The following DST variants were observed in gnomAD, a reference collection of about 807,000 sequenced individuals.
DST encodes the protein dystonin.
In DST, 253 loss-of-function variants were observed where a neutral mutation model predicts 875.2. That is an observed-to-expected ratio of 0.29 (90% CI 0.26 to 0.32). The LOEUF (loss-of-function observed/expected upper bound fraction) is 0.32. DST is among the 10% of genes least tolerant of loss of function. The pLI is 1.00. For missense variants in DST, 8,287 were observed against 9,111.6 expected, an observed-to-expected ratio of 0.91 and a Z score of 3.68; for synonymous variants, 3,124 against 3,197.1, an observed-to-expected ratio of 0.98 and a Z score of 0.77.
At chr6:56,547,366 G>A (rs1035231061) in intron 61 of DST, among the ~76,000 whole-genome samples, 2 of 152,062 alleles carry the variant, frequency 1.3e-5, no homozygotes, top group African/African-American at 4.8e-5. Context: ...TTTGCTCTGG[G>A]TTTATTAAAT....
intron 2 of DST, among the ~76,000 whole-genome samples, chr6:56,919,583 C>A (rs996030010): frequency 3.3e-5 from 5 of 152,128 alleles, no homozygotes. Context: ...ACTTTAACAA[C>A]CATTAGTGCC....
At chr6:56,626,084 T>C (rs1346053401) in intron 34 of DST, among the ~76,000 whole-genome samples, 1 of 151,874 alleles carries the variant, frequency 6.6e-6, no homozygotes, top group African/African-American at 2.4e-5. Context: ...TGTTTTAAGC[T>C]AAGTGCTATG....
At position 56,608,058 on chromosome 6, in the gene DST, A is replaced by G; in HGVS notation, c.6570T>C (p.Thr2190=). 6.2e-7 allele frequency: 1 copy of G among 1,613,492 alleles called. No individual in the cohort carries two copies. Among genetic ancestry groups the G allele is most frequent in the Non-Finnish European group, 8.5e-7 (1 of 1,179,654 alleles). The part of the protein sequence containing the change: ...EDVFDGEEPV[T]TQTSEETKKL... ...TTTTAGTTTCTTCTGAGGTCTGAGT[A>G]GTGACAGGTTCTTCTCCATCAAAAA... The change falls in exon 40 of 104, where the codon ACT becomes ACC. Residue 2190 remains threonine (T), a synonymous_variant. Transcript: ENST00000680361.
At chr6:56,644,116 T>C (rs1035238375) in intron 15 of DST, among the ~76,000 whole-genome samples, 1 of 152,210 alleles carries the variant, frequency 6.6e-6, no homozygotes, top group South Asian at 2.1e-4. Flanking sequence ...CTTTCTTTTA[T>C]GAACATATCT....
rs2098461636 is a variant in DST, at chr6:56,603,222, C to T, written c.11140G>A (p.Ala3714Thr). 1 of 1,603,154 alleles carries T rather than the reference C, an allele frequency of 6.2e-7. No homozygotes were observed. Among genetic ancestry groups the T allele is most frequent in the Non-Finnish European group, 8.5e-7 (1 of 1,174,784 alleles). ...SSERTKQIML[A>T]IDSEMSKLAV... The stretch of plus-strand genomic sequence containing the variant: ...ATGCCTACCATTTCAGAGTCGATCG[C>T]AAGCATGATCTGTTTCGTTCTTTCT... The change falls in exon 42 of 104, where the codon GCG (alanine) becomes ACG (threonine). Residue 3714 changes from alanine to threonine, a missense_variant. By Grantham distance (58) the Ala-to-Thr change is moderately conservative (BLOSUM62 0). Around this residue, in one of 10 missense-constraint regions of DST, gnomAD observed 3,138 missense variants for 3,116.6 expected, o/e 1.01. Coordinates refer to ENST00000680361, the MANE Select transcript of DST (RefSeq NM_001374736.1).
intron 4 of DST, among the ~76,000 whole-genome samples, chr6:56,765,664 T>G (rs1380495605): frequency 3.2e-4 from 49 of 152,270 alleles, no homozygotes; most frequent in Non-Finnish European, 1.5e-5. Context: ...AATGGTGAAG[T>G]ATGAGTTATG....
rs1286354972 is a variant in DST, at chr6:56,683,495, CAT to C, written c.1048-12690_1048-12689del. On this transcript the variant is annotated intron_variant, in intron 9 of 103. Coordinates refer to ENST00000680361, the MANE Select transcript of DST (RefSeq NM_001374736.1). ...CACATTAATATCAAGTTATATGAAC[CAT>C]ATGTTTCCTCTCTCCTACGGTAGTT... 2.6e-5 allele frequency among the ~76,000 whole-genome samples: 4 copies of C among 152,216 alleles called. No individual in the cohort carries two copies. In the East Asian group the frequency reaches 7.7e-4, roughly 29 times the overall value.
At chr6:56,867,370 A>G (rs905133082) in intron 3 of DST, among the ~76,000 whole-genome samples, 1 of 152,250 alleles carries the variant, frequency 6.6e-6, no homozygotes, top group East Asian at 1.9e-4. Context: ...GTCAGCATCA[A>G]TAAAAATGCT....
At chr6:56,538,661 T>A (rs1460113583) in intron 61 of DST, among the ~76,000 whole-genome samples, 1 of 152,178 alleles carries the variant, frequency 6.6e-6, no homozygotes, top group Non-Finnish European at 1.5e-5. Flanking sequence ...AAATTAATGA[T>A]CATTTTCTCT....
intron 12 of DST, among the ~76,000 whole-genome samples, chr6:56,648,942 G>A (rs774441051): frequency 6.6e-6 from 1 of 152,098 alleles, no homozygotes; most frequent in Non-Finnish European, 1.5e-5. Context: ...TGGCTGCCTG[G>A]GGTATTGTAT....
chr6:56,930,412 A>G (rs1809554377), intron 2 of DST, among the ~76,000 whole-genome samples: 1 of 152,236 alleles, frequency 6.6e-6, no homozygotes, highest in Non-Finnish European at 1.5e-5. Context: ...AAACACACAA[A>G]AAAATGAAAT....
intron 4 of DST, among the ~76,000 whole-genome samples, chr6:56,799,433 GTTGTT>G (rs528634300): frequency 4.2e-4 from 63 of 151,314 alleles, no homozygotes; most frequent in Non-Finnish European, 7.7e-4. Context: ...AAACTTCACT[GTTGTT>G]TTATTTTAAG....
chr6:56,642,722 T>C (rs1256647597), intron 15 of DST: 6 of 1,614,116 alleles, frequency 3.7e-6, no homozygotes, highest in Non-Finnish European at 5.1e-6. Flanking sequence ...TCAAGACTGG[T>C]TCGAGTGCTG....
intron 4 of DST, chr6:56,742,396 T>G (rs2099550519): frequency 8.0e-7 from 1 of 1,248,900 alleles, no homozygotes; most frequent in African/African-American, 1.5e-5. Context: ...AACTCTGATG[T>G]GTCAGAGTCC....
intron 78 of DST, among the ~76,000 whole-genome samples, chr6:56,503,594 T>TACACACACACACACACACACAC (rs10637850): frequency 7.1e-6 from 1 of 140,806 alleles, no homozygotes; most frequent in African/African-American, 2.7e-5. Context: ...TACCTATACA[T>TACACACACACACACACACACAC]ACACACACAC....
At position 56,616,015 on chromosome 6, in the gene DST, G is replaced by A. The variant is rs769108306; in HGVS notation, c.4930-1531C>T. The A allele has an allele frequency of 1.9e-6, 3 of 1,614,210 alleles. No individual in the cohort carries two copies. The South Asian group carries it at 3.3e-5, about 18-fold the overall frequency. Reference sequence around the variant, plus strand: ...GAGGATCAATTATGCCCCCTGTACTGACTTGGGCTTCAAGGCATCGGAGGG... The same window carrying A: ...GAGGATCAATTATGCCCCCTGTACTAACTTGGGCTTCAAGGCATCGGAGGG... On this transcript the variant is annotated intron_variant, in intron 36 of 103. Transcript: ENST00000680361.
intron 88 of DST, 191 bp downstream of exon 88, chr6:56,485,121 A>C (rs2095518619): frequency 1.7e-6 from 1 of 583,918 alleles, no homozygotes. Flanking sequence ...GACACTAAAT[A>C]ATACTTCCCC....
chr6:56,576,734 G>A (rs568741356), intron 50 of DST, among the ~76,000 whole-genome samples: 2 of 152,088 alleles, frequency 1.3e-5, no homozygotes, highest in African/African-American at 4.8e-5. Context: ...AGCGCCCTTA[G>A]AAGAAGAAAC....
intron 3 of DST, among the ~76,000 whole-genome samples, chr6:56,875,150 A>AT (rs1397704350): frequency 6.6e-6 from 1 of 151,732 alleles, no homozygotes; most frequent in Non-Finnish European, 1.5e-5. Context: ...CGCCCGGCTA[A>AT]TTTTTTTGTA....
Sources: gnomAD v4.1 joint callset for allele counts (sites outside exome capture counted in the v4.1 genomes callset) on GRCh38, gnomAD v4.1.1 for gene constraint, gnomAD v4.1.1 regional missense constraint, MANE v1.5 for transcripts, NCBI Gene and HGNC (gene_info 2026-07-23, HGNC 2026-07-21) for gene names.